EBPL: variants seen among roughly 807,000 people sequenced by gnomAD.
The protein encoded by EBPL is EBP like.
EBPL carries 20 observed loss-of-function variants against 19.0 expected under a neutral mutation model. The observed-to-expected ratio is 1.05, with a 90% CI of 0.74 to 1.53. The LOEUF (loss-of-function observed/expected upper bound fraction) is 1.53, where lower values mean the gene tolerates loss of function less well. EBPL is among the 40% of genes most tolerant of loss of function. The pLI, the probability that EBPL is intolerant of heterozygous loss-of-function variation, is 0.00. For missense variants in EBPL, 219 were observed against 261.1 expected, an observed-to-expected ratio of 0.84 and a Z score of 1.11; for synonymous variants, 107 against 117.0, an observed-to-expected ratio of 0.91 and a Z score of 0.55.
In EBPL at chr13:49,663,146, G is replaced by A. The variant is rs747181524; in HGVS notation, c.291C>T (p.Thr97=). 3 of 1,613,970 alleles carry A rather than the reference G, an allele frequency of 1.9e-6. No individual in the cohort carries two copies. The highest frequency in any genetic ancestry group is 2.5e-6 in the Non-Finnish European group (3 of 1,180,022). ...CGGTCAGAATTTCCACAGACACAAT[G>A]GTTGGATCAAAATAAACCCATCTTG... ...ADARWVYFDP[T]IVSVEILTVA... The change falls in exon 3 of 4, where the codon ACC becomes ACT. Residue 97 remains threonine (T), a synonymous_variant. Transcript: ENST00000242827.
At chr13:49,685,103 T>C (rs1003727284) in intron 1 of EBPL, among the ~76,000 whole-genome samples, 3 of 152,258 alleles carry the variant, frequency 2.0e-5, no homozygotes, top group African/African-American at 7.2e-5. Context: ...GCAAAGTGAA[T>C]TTAAAAGTAC....
chr13:49,685,404 TA>T (rs1427688020), intron 1 of EBPL, among the ~76,000 whole-genome samples: 2 of 152,110 alleles, frequency 1.3e-5, no homozygotes, highest in African/African-American at 4.8e-5. Flanking sequence ...CCCAAAAGCG[TA>T]ATAAAGTGTG....
intron 1 of EBPL, among the ~76,000 whole-genome samples, chr13:49,688,158 CGACCTCAGAATGGT>C (rs1954019140): frequency 6.6e-6 from 1 of 152,200 alleles, no homozygotes; most frequent in Admixed American, 6.5e-5. Context: ...CTGCCCACAG[CGACCTCAGAATGGT>C]GACCCCACCA....
chr13:49,680,497 T>TAC lies in EBPL; in HGVS notation c.172-10653_172-10652dup, dbSNP rs1953930245. Among the ~76,000 whole-genome samples the TAC allele has an allele frequency of 2.6e-5, 4 of 152,362 alleles. No homozygotes were observed. In the South Asian group the frequency reaches 8.3e-4, roughly 32 times the overall value. ...CTCACTGATACTGTACTAGTCTCTC[T>TAC]ACATTTGTGAATGTTTGAAATTGTT... is the stretch of plus-strand genomic sequence containing the variant. On this transcript the variant is annotated intron_variant, in intron 1 of 3. Transcript: ENST00000242827.
At chr13:49,676,244 G>A (rs530011647) in intron 1 of EBPL, among the ~76,000 whole-genome samples, 99 of 100,500 alleles carry the variant, frequency 9.9e-4, no homozygotes, top group African/African-American at 2.7e-3. Flanking sequence ...GGGGTCTGCA[G>A]TGAATCTTGA....
intron 1 of EBPL, among the ~76,000 whole-genome samples, chr13:49,673,962 T>TACACACACACACACACACAC (rs56323070): frequency 0.025 from 3,620 of 143,254 alleles, 88 homozygotes; most frequent in Admixed American, 0.054. Context: ...TGGAACTTAA[T>TACACACACACACACACACAC]ACACACACAC....
At position 49,662,550 on chromosome 13, in the gene EBPL, A is replaced by G. The variant is rs565049830; in HGVS notation, c.380+507T>C. ...GAGTCTAGGTTGTTATTAAAATAAT[A>G]TTTCTCATATTTTTGATTCTGAAAA... On this transcript the variant is annotated intron_variant, in intron 3 of 3. Coordinates refer to ENST00000242827, the MANE Select transcript of EBPL (RefSeq NM_032565.5). Among the ~76,000 whole-genome samples, 6 of 152,174 alleles carry G rather than the reference A, an allele frequency of 3.9e-5. No homozygotes were observed. In the South Asian group the frequency reaches 1.2e-3, roughly 32 times the overall value.
intron 1 of EBPL, among the ~76,000 whole-genome samples, chr13:49,672,887 A>G (rs1325533579): frequency 6.6e-6 from 1 of 151,958 alleles, no homozygotes. Flanking sequence ...GTGAAACCCC[A>G]CCTCTACTAA....
At chr13:49,685,649 C>T (rs919134925) in intron 1 of EBPL, among the ~76,000 whole-genome samples, 21 of 152,114 alleles carry the variant, frequency 1.4e-4, no homozygotes, top group African/African-American at 4.8e-4. Flanking sequence ...CTGAGACAGG[C>T]GGATCACGAG....
Position 49,691,374 on chromosome 13 carries a change from C to G in EBPL, c.51G>C (p.Leu17=). Residue 17 remains leucine (L), a synonymous_variant, in exon 1 of 4, where the codon CTG becomes CTC. Coordinates refer to ENST00000242827, the MANE Select transcript of EBPL (RefSeq NM_032565.5). The part of the protein sequence containing the change: ...LGAEAGGSLL[L]CAALLAAGCA... ...AGCCCGCCGCCAGCAGCGCGGCGCACAGCAGCAGCGAACCGCCAGCCTCGG... is the reference window on the plus strand; with the variant it reads ...AGCCCGCCGCCAGCAGCGCGGCGCAGAGCAGCAGCGAACCGCCAGCCTCGG... 7.3e-7 allele frequency: 1 copy of G among 1,363,412 alleles called. No homozygotes were observed. The highest frequency in any genetic ancestry group is 2.1e-5 in the South Asian group (1 of 46,872). 84.5% of individuals were successfully genotyped at this position (1,363,412 alleles called of 1,614,324 possible).
intron 2 of EBPL, 129 bp from the exon 3 acceptor site, chr13:49,663,324 G>T: frequency 8.1e-7 from 1 of 1,227,516 alleles, no homozygotes; most frequent in Non-Finnish European, 1.1e-6. Context: ...TCTTCACGAT[G>T]CCTTAGTGGA....
chr13:49,672,150 C>G (rs1239853279), intron 1 of EBPL, among the ~76,000 whole-genome samples: 2 of 152,214 alleles, frequency 1.3e-5, no homozygotes. Context: ...ACTGTCATCT[C>G]TACCTTAGAA....
chr13:49,666,481 C>T (rs566751531), intron 2 of EBPL, among the ~76,000 whole-genome samples: 4 of 151,614 alleles, frequency 2.6e-5, no homozygotes, highest in East Asian at 1.9e-4. Flanking sequence ...GAGGCCGAGG[C>T]GGGTGGATCA....
chr13:49,682,550 C>T (rs867898664), intron 1 of EBPL, among the ~76,000 whole-genome samples: 3 of 152,320 alleles, frequency 2.0e-5, no homozygotes, highest in South Asian at 4.1e-4. Context: ...CATTCAAACA[C>T]GGTTCATGAA....
chr13:49,678,772 G>A (rs1033020169), intron 1 of EBPL, among the ~76,000 whole-genome samples: 2 of 152,110 alleles, frequency 1.3e-5, no homozygotes, highest in African/African-American at 4.8e-5. Flanking sequence ...TGGCCAGAGT[G>A]GATGCCGAGG....
chr13:49,678,778 C>T (rs879511536), intron 1 of EBPL, among the ~76,000 whole-genome samples: 12 of 151,980 alleles, frequency 7.9e-5, no homozygotes, highest in African/African-American at 2.4e-4. Context: ...GAGTGGATGC[C>T]GAGGCTGAGG....
chr13:49,662,949 C>A (rs1049444851), intron 3 of EBPL, 108 bp downstream of exon 3: 1 of 1,433,900 alleles, frequency 7.0e-7, no homozygotes, highest in Non-Finnish European at 9.3e-7. Context: ...ATTCTTCCAC[C>A]TTTTATCTAA....
chr13:49,675,097 T>C (rs1236235329), intron 1 of EBPL, among the ~76,000 whole-genome samples: 1 of 152,234 alleles, frequency 6.6e-6, no homozygotes, highest in South Asian at 2.1e-4. Context: ...TGATACGCTC[T>C]GAGAAATGCA....
At chr13:49,686,609 T>G in intron 1 of EBPL, 1 of 1,288,942 alleles carries the variant, frequency 7.8e-7, no homozygotes, top group Non-Finnish European at 1.0e-6. Flanking sequence ...GGATAGATAT[T>G]TTAAAAGATT....
Sources: gnomAD v4.1 joint callset for allele counts (sites outside exome capture counted in the v4.1 genomes callset) on GRCh38, gnomAD v4.1.1 for gene constraint, MANE v1.5 for transcripts, NCBI Gene and HGNC (gene_info 2026-07-23, HGNC 2026-07-21) for gene names.